Variants in LARS2 observed in about 807,000 individuals in gnomAD.
The protein encoded by LARS2 is leucine--tRNA ligase, mitochondrial.
LARS2 carries 81 observed loss-of-function variants against 116.6 expected under a neutral mutation model. The observed-to-expected ratio is 0.69, with a 90% CI of 0.58 to 0.84. The LOEUF is 0.84. Among genes scored for constraint, LARS2 ranks in the 40% least tolerant of loss-of-function variants. The pLI is 0.00. For missense variants in LARS2, 968 were observed against 1,114.5 expected (o/e 0.87, Z 1.87); for synonymous variants, 396 against 407.2 (o/e 0.97, Z 0.33).
chr3:45,503,508 G>A (rs1559490540), intron 15 of LARS2, among the ~76,000 whole-genome samples: 1 of 152,056 alleles, frequency 6.6e-6, no homozygotes, highest in Non-Finnish European at 1.5e-5. Flanking sequence ...GCCCAGGGTG[G>A]AAGCTGGCTT....
chr3:45,425,745 G>A (rs1394928360), intron 6 of LARS2, among the ~76,000 whole-genome samples: 2 of 152,162 alleles, frequency 1.3e-5, no homozygotes, highest in East Asian at 3.8e-4. Flanking sequence ...ATATATAGCA[G>A]TATGTAGCTT....
At position 45,394,435 on chromosome 3, in the gene LARS2, C is replaced by A. The variant is rs373100137; in HGVS notation, c.-19C>A. 6.3e-7 allele frequency: 1 copy of A among 1,586,310 alleles called. No individual in the cohort carries two copies. The highest frequency in any genetic ancestry group is 8.7e-7 in the Non-Finnish European group (1 of 1,155,000). On this transcript the variant is annotated splice_region_variant and 5_prime_UTR_variant, in exon 3 of 22. Coordinates refer to ENST00000645846, the MANE Select transcript of LARS2 (RefSeq NM_015340.4). Reference sequence around the variant, plus strand: ...GTGCTTTCTGCCCTCTTTTTCAGGGCCTTCTCACCTTCTGAAGAATGGCTT... The same window carrying A: ...GTGCTTTCTGCCCTCTTTTTCAGGGACTTCTCACCTTCTGAAGAATGGCTT...
Position 45,491,522 on chromosome 3 carries a change from AG to A in LARS2, c.1247del (p.Gly416ValfsTer2), listed in dbSNP as rs747559986. 23 of 1,613,700 alleles carry A rather than the reference AG, an allele frequency of 1.4e-5. No individual in the cohort carries two copies. Among genetic ancestry groups the A allele is most frequent in the Non-Finnish European group, 1.9e-5 (23 of 1,179,734 alleles). ...TTCTTTTCTTTCCCTGTCAGTTCAC[AG>A]GTATGACCCGGCAGGATGCTTTTCT... ...ERLSSSAEFTGMTRQDAFLAL... is the reference protein window; with the variant it reads ...ERLSSSAEFTXMTRQDAFLAL... On this transcript the variant is annotated frameshift_variant, in exon 13 of 22. Transcript: ENST00000645846. LOFTEE classifies it high-confidence loss of function.
chr3:45,505,012 C>T lies in LARS2; in HGVS notation c.1760+4433C>T, dbSNP rs746520776. On this transcript the variant is annotated intron_variant, in intron 15 of 21. Transcript: ENST00000645846. The stretch of plus-strand genomic sequence containing the variant: ...ACGAGAATTGCTTGAACCTGGGAGG[C>T]GGAGGCTGCAGTGAGCCAAGATCGT... 5.6e-4 allele frequency among the ~76,000 whole-genome samples: 84 copies of T among 151,284 alleles called. 1 individual carries two copies. Among genetic ancestry groups the T allele is most frequent in the Non-Finnish European group, 9.7e-4 (66 of 67,768 alleles).
At chr3:45,413,806 A>G (rs1698373277) in intron 4 of LARS2, among the ~76,000 whole-genome samples, 1 of 152,226 alleles carries the variant, frequency 6.6e-6, no homozygotes, top group Non-Finnish European at 1.5e-5. Context: ...GCCTGCTAAG[A>G]CAGGGGCTTA....
chr3:45,536,677 C>T lies in LARS2; in HGVS notation c.2405-5152C>T, dbSNP rs574453050. 1.6e-4 allele frequency among the ~76,000 whole-genome samples: 25 copies of T among 152,244 alleles called. No individual in the cohort carries two copies. The South Asian group carries it at 4.8e-3, about 29-fold the overall frequency. ...CCAGTTTCCAGTGTGCCTCTCTGGG[C>T]TTCTTGAAGCAAAGCGAAACCTAAT... On this transcript the variant is annotated intron_variant, in intron 20 of 21. Coordinates refer to ENST00000645846, the MANE Select transcript of LARS2 (RefSeq NM_015340.4).
chr3:45,410,711 G>A (rs924296748), intron 4 of LARS2, among the ~76,000 whole-genome samples: 4 of 152,180 alleles, frequency 2.6e-5, no homozygotes, highest in African/African-American at 4.8e-5. Flanking sequence ...GCCACCTGAA[G>A]CCCTTATGGC....
chr3:45,457,251 C>A (rs1699228338), intron 7 of LARS2, among the ~76,000 whole-genome samples: 1 of 152,232 alleles, frequency 6.6e-6, no homozygotes. Flanking sequence ...TTGGTTGAAC[C>A]CAACCGGAAG....
intron 1 of LARS2, among the ~76,000 whole-genome samples, chr3:45,389,913 C>G (rs1697910978): frequency 6.6e-6 from 1 of 152,162 alleles, no homozygotes; most frequent in Non-Finnish European, 1.5e-5. Context: ...AGGAATAGGG[C>G]TGAACCCTAG....
intron 6 of LARS2, among the ~76,000 whole-genome samples, chr3:45,420,328 A>G (rs949191182): frequency 1.3e-5 from 2 of 152,214 alleles, no homozygotes; most frequent in Non-Finnish European, 2.9e-5. Context: ...CTGTGGCCCA[A>G]GGCCCACCCT....
rs1700431166 is a variant in LARS2, at chr3:45,520,217, A to G, written c.2215-2A>G. 6.2e-7 allele frequency: 1 copy of G among 1,600,582 alleles called. No homozygotes were observed. The highest frequency in any genetic ancestry group is 2.2e-5 in the East Asian group (1 of 44,812). ...AGTAAATAATTGAACCTTTACTAAT[A>G]GGTGACCACCCATTTCACAGAGGAC... On this transcript the variant is annotated splice_acceptor_variant, in intron 18 of 21. Transcript: ENST00000645846. LOFTEE classifies it high-confidence loss of function.
chr3:45,479,789 T>C (rs748211986), intron 10 of LARS2, among the ~76,000 whole-genome samples: 2 of 152,178 alleles, frequency 1.3e-5, no homozygotes, highest in Non-Finnish European at 2.9e-5. Flanking sequence ...AGCTGTTCTG[T>C]CTTTTCCTGA....
chr3:45,390,859 C>G (rs1410525567), intron 1 of LARS2, among the ~76,000 whole-genome samples: 4 of 151,600 alleles, frequency 2.6e-5, no homozygotes, highest in African/African-American at 9.7e-5. Context: ...TCACCGTGGT[C>G]TCGATCTCCT....
At chr3:45,453,796 A>G (rs1015681813) in intron 7 of LARS2, among the ~76,000 whole-genome samples, 6 of 152,156 alleles carry the variant, frequency 3.9e-5, no homozygotes, top group Non-Finnish European at 7.3e-5. Context: ...CCTAAAATAT[A>G]TATTTTACTA....
chr3:45,538,738 A>C (rs1031903155), intron 20 of LARS2, among the ~76,000 whole-genome samples: 9 of 152,174 alleles, frequency 5.9e-5, no homozygotes, highest in Non-Finnish European at 1.3e-4. Flanking sequence ...AAGCTACAAC[A>C]AATAAGGCTA....
intron 19 of LARS2, 33 bp from the exon 20 acceptor site, chr3:45,523,964 T>G (rs760408562): frequency 6.0e-6 from 9 of 1,501,026 alleles, no homozygotes; most frequent in South Asian, 2.3e-5. Context: ...TTTTTACACC[T>G]CAGTCTTCTT....
intron 14 of LARS2, among the ~76,000 whole-genome samples, chr3:45,496,652 A>T (rs769853920): frequency 6.6e-6 from 1 of 152,258 alleles, no homozygotes; most frequent in Non-Finnish European, 1.5e-5. Context: ...GGAAGGCCCA[A>T]GCAAAGCTTG....
intron 6 of LARS2, among the ~76,000 whole-genome samples, chr3:45,420,194 A>G (rs189338608): frequency 2.4e-4 from 37 of 152,344 alleles, no homozygotes; most frequent in Admixed American, 1.9e-3. Context: ...GACACTTTCA[A>G]ACTGTACATT....
At chr3:45,483,677 G>A (rs1157912100) in intron 10 of LARS2, among the ~76,000 whole-genome samples, 1 of 152,064 alleles carries the variant, frequency 6.6e-6, no homozygotes, top group African/African-American at 2.4e-5. Context: ...AGATAGTATG[G>A]AATCAGAAAT....
Sources: allele counts gnomAD v4.1 joint callset (sites outside exome capture counted in the v4.1 genomes callset), GRCh38; gene constraint gnomAD v4.1.1; transcripts MANE v1.5; gene names NCBI Gene and HGNC (gene_info 2026-07-23, HGNC 2026-07-21).